CFTR: variants seen among roughly 807,000 people sequenced by gnomAD.
CFTR encodes cystic fibrosis transmembrane conductance regulator.
In CFTR, 181 loss-of-function variants were observed where a neutral mutation model predicts 171.6. The ratio of observed to expected loss-of-function variants is 1.05; its 90% CI spans 0.93 to 1.19. The LOEUF (loss-of-function observed/expected upper bound fraction) is 1.19. Ranked by LOEUF, CFTR falls within the 50% of genes most tolerant of loss-of-function variation. CFTR has a pLI of 0.00. For missense variants in CFTR, 1,968 were observed against 1,734.7 expected, an observed-to-expected ratio of 1.13 and a Z score of -2.39; for synonymous variants, 583 against 608.0, an observed-to-expected ratio of 0.96 and a Z score of 0.60.
intron 3 of CFTR, among the ~76,000 whole-genome samples, chr7:117,516,500 T>C (rs975958456): frequency 6.6e-6 from 1 of 152,130 alleles, no homozygotes; most frequent in Non-Finnish European, 1.5e-5. Context: ...ATTTGCTAGG[T>C]CATGTTGAAC....
rs188897312 is a variant in CFTR, at chr7:117,649,037, T to C, written c.3874-3805T>C. ...GGGATGTCTAATTTCAACCAACAGC[T>C]TTCTTTCTTCATAATGTTGAATATA... On this transcript the variant is annotated intron_variant, in intron 23 of 26. Transcript: ENST00000003084. 7.2e-5 allele frequency among the ~76,000 whole-genome samples: 11 copies of C among 152,172 alleles called. No homozygotes were observed. The East Asian group carries it at 2.1e-3, about 29-fold the overall frequency.
intron 10 of CFTR, among the ~76,000 whole-genome samples, chr7:117,551,546 G>A (rs938294311): frequency 6.6e-6 from 1 of 152,068 alleles, no homozygotes; most frequent in African/African-American, 2.4e-5. Flanking sequence ...GGCTGCAAAA[G>A]GATCATGTCT....
At chr7:117,612,029 A>AG (rs1792404795) in intron 20 of CFTR, among the ~76,000 whole-genome samples, 1 of 73,996 alleles carries the variant, frequency 1.4e-5, no homozygotes, top group African/African-American at 5.8e-5. Context: ...ATATGTATAT[A>AG]TATATATATA....
intron 9 of CFTR, among the ~76,000 whole-genome samples, chr7:117,543,497 T>C (rs554600633): frequency 6.6e-6 from 1 of 152,338 alleles, no homozygotes; most frequent in African/African-American, 2.4e-5. Context: ...GCCCTTACTA[T>C]GTGCCAGGCA....
chr7:117,596,672 C>T (rs1421648232), intron 15 of CFTR, among the ~76,000 whole-genome samples: 2 of 152,202 alleles, frequency 1.3e-5, no homozygotes, highest in Non-Finnish European at 2.9e-5. Flanking sequence ...GTAAACACAC[C>T]AATCAGCACC....
chr7:117,542,894 C>A (rs1176608183), intron 9 of CFTR, among the ~76,000 whole-genome samples: 3 of 152,168 alleles, frequency 2.0e-5, no homozygotes, highest in African/African-American at 7.2e-5. Flanking sequence ...TAAACATTAG[C>A]TTCTCTGATT....
intron 22 of CFTR, among the ~76,000 whole-genome samples, chr7:117,628,471 C>A (rs1792689979): frequency 2.6e-5 from 4 of 151,958 alleles, no homozygotes; most frequent in Non-Finnish European, 5.9e-5. Context: ...TAAATCTAGA[C>A]AAGAGTATTA....
chr7:117,662,941 G>A (rs1383743549), intron 24 of CFTR, among the ~76,000 whole-genome samples: 1 of 152,174 alleles, frequency 6.6e-6, no homozygotes, highest in Non-Finnish European at 1.5e-5. Flanking sequence ...GGGGCAGGAA[G>A]AGGGAGAGTT....
At chr7:117,503,280 G>A (rs56693622) in intron 1 of CFTR, among the ~76,000 whole-genome samples, 3 of 152,136 alleles carry the variant, frequency 2.0e-5, no homozygotes, top group African/African-American at 7.2e-5. Flanking sequence ...ACTCTCCAGA[G>A]AAAAGAAAGA....
At chr7:117,590,808 G>A (rs982602924) in intron 13 of CFTR, among the ~76,000 whole-genome samples, 4 of 151,864 alleles carry the variant, frequency 2.6e-5, no homozygotes, top group African/African-American at 7.3e-5. Context: ...CTTCTCCTTA[G>A]ATAGTAACCT....
intron 10 of CFTR, among the ~76,000 whole-genome samples, chr7:117,557,635 A>C (rs1028800467): frequency 6.6e-6 from 1 of 152,030 alleles, no homozygotes; most frequent in African/African-American, 2.4e-5. Flanking sequence ...TTTTCATTGA[A>C]TGTATTTGGG....
At chr7:117,612,234 T>TACACACACACACACAC (rs112904263) in intron 20 of CFTR, among the ~76,000 whole-genome samples, 156 of 140,930 alleles carry the variant, frequency 1.1e-3, no homozygotes, top group South Asian at 5.4e-3. Context: ...CATCCGCATT[T>TACACACACACACACAC]ACACACACAC....
At chr7:117,553,213 G>A (rs145808268) in intron 10 of CFTR, among the ~76,000 whole-genome samples, 57 of 145,770 alleles carry the variant, frequency 3.9e-4, no homozygotes, top group Non-Finnish European at 7.0e-4. Flanking sequence ...TGTTATAGCA[G>A]CCTGAACAAG....
rs1792682167 is a variant in CFTR, at chr7:117,627,995, T to C, written c.3717+225T>C. The C allele has an allele frequency of 6.7e-6, 3 of 450,362 alleles. No individual in the cohort carries two copies. In the South Asian group the frequency reaches 9.4e-5, roughly 14 times the overall value. The allele number at this position is 450,362 out of a possible 1,614,324, so 27.9% of individuals were successfully genotyped here. On this transcript the variant is annotated intron_variant, in intron 22 of 26. Transcript: ENST00000003084. ...GGTTTATTTTAAATGTGATTGTACT[T>C]GCAGAATATCTAATTAATTGCTAGG...
intron 11 of CFTR, among the ~76,000 whole-genome samples, chr7:117,564,005 C>A (rs1791558091): frequency 1.3e-5 from 2 of 152,098 alleles, no homozygotes; most frequent in South Asian, 4.1e-4. Flanking sequence ...TTAGTATATG[C>A]TGTTTTCTTC....
rs992414313 is a variant in CFTR, at chr7:117,623,163, G to A, written c.3469-4359G>A. Among the ~76,000 whole-genome samples the A allele has an allele frequency of 5.9e-5, 9 of 152,296 alleles. No individual in the cohort carries two copies. The South Asian group carries it at 1.2e-3, about 21-fold the overall frequency. On this transcript the variant is annotated intron_variant, in intron 21 of 26. Coordinates refer to ENST00000003084, the MANE Select transcript of CFTR (RefSeq NM_000492.4). ...ATATACAGAGGTCTGCACAACTTAT[G>A]TCAAGTATTCTTCCCCACAAATGAA...
At chr7:117,570,375 A>G (rs976864481) in intron 11 of CFTR, among the ~76,000 whole-genome samples, 29 of 152,266 alleles carry the variant, frequency 1.9e-4, no homozygotes, top group Admixed American at 1.6e-3. Flanking sequence ...CCTTTGTAGC[A>G]CAGGAAAGGG....
chr7:117,531,432 T>C (rs1355548238), intron 4 of CFTR, among the ~76,000 whole-genome samples: 1 of 152,070 alleles, frequency 6.6e-6, no homozygotes, highest in Non-Finnish European at 1.5e-5. Context: ...TAAAAGTAAT[T>C]GACAAAATAT....
At chr7:117,582,683 A>G (rs1159197382) in intron 11 of CFTR, among the ~76,000 whole-genome samples, 2 of 152,144 alleles carry the variant, frequency 1.3e-5, no homozygotes, top group East Asian at 3.9e-4. Flanking sequence ...CACTACTCTT[A>G]AAATAAAAAA....
Sources: allele counts gnomAD v4.1 joint callset (sites outside exome capture counted in the v4.1 genomes callset), GRCh38; gene constraint gnomAD v4.1.1; transcripts MANE v1.5; gene names NCBI Gene and HGNC (gene_info 2026-07-23, HGNC 2026-07-21).